Variants in HERC2 observed in about 807,000 individuals in gnomAD.
HERC2 encodes HECT and RLD domain containing E3 ubiquitin protein ligase 2.
Under a neutral mutation model 537.7 loss-of-function variants are expected in HERC2, and 102 were observed. That is an observed-to-expected ratio of 0.19 (90% CI 0.16 to 0.22). The LOEUF is 0.22. Among genes scored for constraint, HERC2 ranks in the 10% least tolerant of loss-of-function variants. The pLI is 1.00. For missense variants in HERC2, 4,236 were observed against 6,198.2 expected (o/e 0.68, Z 10.63); for synonymous variants, 2,224 against 2,466.2 (o/e 0.90, Z 2.91).
At chr15:28,148,030 G>A (rs1158583458) in intron 70 of HERC2, among the ~76,000 whole-genome samples, 1 of 148,150 alleles carries the variant, frequency 6.7e-6, no homozygotes, top group Non-Finnish European at 1.5e-5. Context: ...GAGCAAGACT[G>A]TGTCTCCAAA....
chr15:28,149,082 G>A (rs921101681), intron 70 of HERC2, among the ~76,000 whole-genome samples: 1 of 149,282 alleles, frequency 6.7e-6, no homozygotes, highest in Non-Finnish European at 1.5e-5. Context: ...TCCTAACCGA[G>A]AACATCACCA....
intron 12 of HERC2, among the ~76,000 whole-genome samples, chr15:28,266,938 T>C (rs1357877114): frequency 6.6e-6 from 1 of 152,190 alleles, no homozygotes; most frequent in African/African-American, 2.4e-5. Context: ...CCGACATTTA[T>C]ATGTATTTGT....
chr15:28,284,919 GAAAAAAAAAAAA>G (rs551327935), intron 4 of HERC2, among the ~76,000 whole-genome samples: 2,213 of 32,600 alleles, frequency 0.068, 81 homozygotes, highest in African/African-American at 0.17. Context: ...CTCCGTCTCG[GAAAAAAAAAAAA>G]AAAAAAAAAA....
chr15:28,245,303 T>C (rs889047344), intron 23 of HERC2, among the ~76,000 whole-genome samples: 11 of 152,086 alleles, frequency 7.2e-5, no homozygotes, highest in Admixed American at 6.5e-4. Context: ...TCCCAGCGCT[T>C]TGGGAGGCAG....
Position 28,130,155 on chromosome 15 carries a change from CT to C in HERC2, c.12802+7del. 6.2e-7 allele frequency: 1 copy of C among 1,614,132 alleles called. No individual in the cohort carries two copies. Reference sequence around the variant, plus strand: ...GCCTCAGTCCTGCGGCACTGAGCCCCTACCTACCATCCTCTGTGCAGCACAC... The same window carrying C: ...GCCTCAGTCCTGCGGCACTGAGCCCCACCTACCATCCTCTGTGCAGCACAC... On this transcript the variant is annotated splice_region_variant and intron_variant, in intron 83 of 92. Coordinates refer to ENST00000261609, the MANE Select transcript of HERC2 (RefSeq NM_004667.6).
intron 16 of HERC2, among the ~76,000 whole-genome samples, chr15:28,260,086 T>A (rs1031766905): frequency 4.0e-5 from 6 of 150,054 alleles, no homozygotes. Flanking sequence ...ACACCTGTAA[T>A]CCCAGCACTT....
intron 69 of HERC2, among the ~76,000 whole-genome samples, chr15:28,153,955 G>A (rs770127744): frequency 4.6e-5 from 7 of 152,228 alleles, no homozygotes; most frequent in South Asian, 2.1e-4. Context: ...AGGGACCGCC[G>A]ACCCCAACAC....
At chr15:28,138,019 A>C (rs1189232195) in intron 78 of HERC2, among the ~76,000 whole-genome samples, 2 of 152,148 alleles carry the variant, frequency 1.3e-5, no homozygotes, top group Admixed American at 1.3e-4. Context: ...AAACGGATAC[A>C]ATATTCCCTT....
At chr15:28,286,364 A>G (rs933506148) in intron 4 of HERC2, among the ~76,000 whole-genome samples, 1 of 152,186 alleles carries the variant, frequency 6.6e-6, no homozygotes, top group African/African-American at 2.4e-5. Context: ...AAAAATATAC[A>G]GCGAATTATT....
intron 52 of HERC2, among the ~76,000 whole-genome samples, chr15:28,193,963 G>T (rs1032824440): frequency 1.3e-5 from 2 of 151,498 alleles, no homozygotes; most frequent in Admixed American, 1.3e-4. Context: ...AATTAAAGAG[G>T]AAGAAAAAAG....
Position 28,194,152 on chromosome 15 carries a change from A to G in HERC2, c.8261-2001T>C, listed in dbSNP as rs545756761. Reference sequence around the variant, plus strand: ...ACGATCTCGGCTCACTGCAAGCTCCACATCCTGGGTTCACGCCATTCTCCC... The same window carrying G: ...ACGATCTCGGCTCACTGCAAGCTCCGCATCCTGGGTTCACGCCATTCTCCC... On this transcript the variant is annotated intron_variant, in intron 52 of 92. Coordinates refer to ENST00000261609, the MANE Select transcript of HERC2 (RefSeq NM_004667.6). Among the ~76,000 whole-genome samples the G allele has an allele frequency of 5.0e-4, 74 of 148,302 alleles. No homozygotes were observed. In the East Asian group the frequency reaches 9.7e-3, roughly 19 times the overall value.
At position 28,198,384 on chromosome 15, in the gene HERC2, C is replaced by T; in HGVS notation, c.8005G>A (p.Val2669Met). The T allele has an allele frequency of 6.2e-7, 1 of 1,611,784 alleles. No individual in the cohort carries two copies. Among genetic ancestry groups the T allele is most frequent in the South Asian group, 1.1e-5 (1 of 90,746 alleles). Reference protein sequence around the residue: ...GSVTHQSVGVVKAFSANGKDI... With the variant: ...GSVTHQSVGVMKAFSANGKDI... ...ATTACCCAGATAATATTACCTTTCA[C>T]AACCCCCACACTCTGATGAGTCACA... The change falls in exon 50 of 93, where the codon GTG becomes ATG. Residue 2669 changes from valine (V) to methionine (M), a missense_variant. By Grantham distance (21) the Val-to-Met change is conservative. Coordinates refer to ENST00000261609, the MANE Select transcript of HERC2 (RefSeq NM_004667.6).
At position 28,152,761 on chromosome 15, in the gene HERC2, G is replaced by A. The variant is rs537942903; in HGVS notation, c.10816C>T (p.Arg3606Cys). 13 of 1,552,662 alleles carry A rather than the reference G, an allele frequency of 8.4e-6. No homozygotes were observed. The highest frequency in any genetic ancestry group is 5.9e-5 in the South Asian group (5 of 84,156). The change falls in exon 70 of 93, where the codon CGC (arginine) becomes TGC (cysteine). Residue 3606 changes from arginine to cysteine, a missense_variant. Arg to Cys is a radical substitution (Grantham distance 180, BLOSUM62 -3). Transcript: ENST00000261609. ...ACCACCACAGGCTGAGAAGAGAGGC[G>A]GCCGCTCTGCGAGTCTGTGGCCACA... ...EDVATDSQSG[R>C]LSSQPVVVES...
At chr15:28,144,554 C>T (rs1891545284) in intron 72 of HERC2, 119 bp downstream of exon 72, 4 of 1,409,488 alleles carry the variant, frequency 2.8e-6, no homozygotes, top group Non-Finnish European at 3.9e-6. Flanking sequence ...AGCACTCACT[C>T]CAACACAGCA....
Position 28,257,337 on chromosome 15 carries a change from G to C in HERC2, c.2317-76C>G, listed in dbSNP as rs1001006556. 12 of 1,238,318 alleles carry C rather than the reference G, an allele frequency of 9.7e-6. 1 individual carries two copies. In the Admixed American group the frequency reaches 9.8e-5, roughly 10 times the overall value. The allele number at this position is 1,238,318 out of a possible 1,614,324, so 76.7% of individuals were successfully genotyped here. On this transcript the variant is annotated intron_variant, in intron 16 of 92. Coordinates refer to ENST00000261609, the MANE Select transcript of HERC2 (RefSeq NM_004667.6). The stretch of plus-strand genomic sequence containing the variant: ...TCTGCTCCACAGGAGTCACCAGCGT[G>C]TGTGATGGAGCTGCCTTATACTATT...
Position 28,275,003 on chromosome 15 carries a change from G to A in HERC2, c.545C>T (p.Ser182Phe), listed in dbSNP as rs368816548. ...CTCCACACCTTTGCCCGCAGGCCGG[G>A]AACTGCAGACGACACACACGGAACA... Reference protein sequence around the residue: ...ISLPPVDKKSSRPAGKGVEGL... With the variant: ...ISLPPVDKKSFRPAGKGVEGL... The change falls in exon 6 of 93, where the codon TCC (serine) becomes TTC (phenylalanine). Residue 182 changes from serine to phenylalanine, a missense_variant and splice_region_variant. Physicochemically the swap from Ser to Phe is radical, Grantham distance 155. Coordinates refer to ENST00000261609, the MANE Select transcript of HERC2 (RefSeq NM_004667.6). The A allele has an allele frequency of 8.4e-5, 134 of 1,602,284 alleles. 2 individuals are homozygous for A. In the South Asian group the frequency reaches 1.5e-3, roughly 17 times the overall value.
At chr15:28,306,545 C>G (rs2076794751) in intron 2 of HERC2, among the ~76,000 whole-genome samples, 1 of 152,070 alleles carries the variant, frequency 6.6e-6, no homozygotes, top group Admixed American at 6.6e-5. Context: ...TTGATTATGT[C>G]TTTGTCTGGT....
chr15:28,263,162 C>T lies in HERC2; in HGVS notation c.1878G>A (p.Val626=). The T allele has an allele frequency of 6.3e-7, 1 of 1,599,130 alleles. No homozygotes were observed. The highest frequency in any genetic ancestry group is 8.6e-7 in the Non-Finnish European group (1 of 1,169,402). Residue 626 remains valine (V), a synonymous_variant, in exon 15 of 93, where the codon GTG becomes GTA. Transcript: ENST00000261609. ...CATAGTCACCATCTCCCCAAGACCA[C>T]ACTTGCCCTAAAAAATACAAATGCA... The part of the protein sequence containing the change: ...QTLAVTENGQ[V]WSWGDGDYGK...
intron 4 of HERC2, among the ~76,000 whole-genome samples, chr15:28,281,732 T>G (rs2076024391): frequency 6.6e-6 from 1 of 152,152 alleles, no homozygotes; most frequent in Non-Finnish European, 1.5e-5. Context: ...CACACTGGGC[T>G]CAAGATGGAG....
Sources: allele counts gnomAD v4.1 joint callset (sites outside exome capture counted in the v4.1 genomes callset), GRCh38; gene constraint gnomAD v4.1.1; transcripts MANE v1.5; gene names NCBI Gene and HGNC (gene_info 2026-07-23, HGNC 2026-07-21).